The following SRRM2 variants were observed in gnomAD, a reference collection of about 807,000 sequenced individuals.
SRRM2 encodes the protein serine/arginine repetitive matrix 2.
Under a neutral mutation model 213.8 loss-of-function variants are expected in SRRM2, and 30 were observed. The observed-to-expected ratio is 0.14, with a 90% CI of 0.10 to 0.19. SRRM2 has a LOEUF of 0.19. Among genes scored for constraint, SRRM2 ranks in the 10% least tolerant of loss-of-function variants. SRRM2 has a pLI of 1.00. For synonymous variants in SRRM2, 2,025 were observed against 1,377.7 expected (o/e 1.47, Z -10.40); for missense variants, 4,904 against 3,647.0 (o/e 1.34, Z -8.88).
intron 6 of SRRM2, 35 bp from the exon 7 acceptor site, chr16:2,759,105 G>A (rs368438407): frequency 2.4e-5 from 39 of 1,614,008 alleles, no homozygotes; most frequent in Middle Eastern, 1.6e-4. Flanking sequence ...AGGCAGAGGT[G>A]TTTCTTATGT....
rs748176465 is a variant in SRRM2 at position 2,756,387 on chromosome 16, C to T, written c.23C>T (p.Pro8Leu). MYNGIGL[P>L]TPRGSGTNGY... ...GCCATGTACAACGGGATCGGGCTGC[C>T]GACGCCCCGGGGCAGCGGCACCAAC... Residue 8 changes from proline to leucine, a missense_variant, in exon 2 of 15, where the codon CCG becomes CTG. Coordinates refer to ENST00000301740, the MANE Select transcript of SRRM2 (RefSeq NM_016333.4). 20 of 1,607,132 alleles carry T rather than the reference C, an allele frequency of 1.2e-5. No homozygotes were observed. Among genetic ancestry groups the T allele is most frequent in the South Asian group, 8.8e-5 (8 of 90,678 alleles).
At chr16:2,754,535 C>G (rs1337858102) in intron 1 of SRRM2, among the ~76,000 whole-genome samples, 1 of 152,170 alleles carries the variant, frequency 6.6e-6, no homozygotes, top group Non-Finnish European at 1.5e-5. Flanking sequence ...GGTGATCCGC[C>G]CACCTCGGCC....
At position 2,767,464 on chromosome 16, in the gene SRRM2, A is replaced by C. The variant is rs2068583032; in HGVS notation, c.6936A>C (p.Thr2312=). 1.2e-6 allele frequency: 2 copies of C among 1,614,200 alleles called. No individual in the cohort carries two copies. The highest frequency in any genetic ancestry group is 4.5e-5 in the East Asian group (2 of 44,882). Residue 2312 remains threonine (T), a synonymous_variant, in exon 11 of 15, where the codon ACA becomes ACC. Transcript: ENST00000301740. ...CTGCCTTGGCAGCTCTGAGTCTCAC[A>C]GGCTCTGGCACACCACCAACTGCTG... ...TPAALAALSL[T]GSGTPPTAAN...
At position 2,766,737 on chromosome 16, in the gene SRRM2, G is replaced by T; in HGVS notation, c.6209G>T (p.Arg2070Ile). The change falls in exon 11 of 15, where the codon AGA (arginine) becomes ATA (isoleucine). Residue 2070 changes from arginine (R) to isoleucine (I), a missense_variant. By Grantham distance (97) the Arg-to-Ile change is moderately conservative. Coordinates refer to ENST00000301740, the MANE Select transcript of SRRM2 (RefSeq NM_016333.4). This position sits in a 1 kb window ranked among gnomAD's most constrained non-coding sequence, Gnocchi z 7.0. ...RTARGKRSLT[R>I]SPPAIRRRSA... ...GCTCGGGGTAAACGGTCCTTAACAA[G>T]ATCTCCTCCAGCCATCCGCAGGCGT... The T allele has an allele frequency of 6.2e-7, 1 of 1,614,170 alleles. No individual in the cohort carries two copies. Among genetic ancestry groups the T allele is most frequent in the Non-Finnish European group, 8.5e-7 (1 of 1,180,030 alleles).
Position 2,760,436 on chromosome 16 carries a change from C to A in SRRM2, c.969C>A (p.Ser323Arg). 3.1e-6 allele frequency: 5 copies of A among 1,614,144 alleles called. No individual in the cohort carries two copies. Among genetic ancestry groups the A allele is most frequent in the Non-Finnish European group, 3.4e-6 (4 of 1,180,042 alleles). The change falls in exon 10 of 15, where the codon AGC becomes AGA. Residue 323 changes from serine (S) to arginine (R), a missense_variant. By Grantham distance (110) the Ser-to-Arg change is moderately radical. Coordinates refer to ENST00000301740, the MANE Select transcript of SRRM2 (RefSeq NM_016333.4). ...PGTTSTQRPS[S>R]PETATKQPSS... ...CTACCAGCACACAACGGCCTAGTAGCCCGGAGACTGCTACGAAACAGCCTA... is the reference window on the plus strand; with the variant it reads ...CTACCAGCACACAACGGCCTAGTAGACCGGAGACTGCTACGAAACAGCCTA...
Position 2,765,250 on chromosome 16 carries a change from G to T in SRRM2, c.4722G>T (p.Arg1574=). The T allele has an allele frequency of 6.2e-7, 1 of 1,614,050 alleles. No homozygotes were observed. The highest frequency in any genetic ancestry group is 8.5e-7 in the Non-Finnish European group (1 of 1,179,950). The change falls in exon 11 of 15, where the codon CGG becomes CGT. Residue 1574 remains arginine, a synonymous_variant. Transcript: ENST00000301740. ...DSKAKTRTPL[R]QRSRSGSSPE... is the part of the protein sequence containing the mutation. ...AAGCCAAGACAAGAACCCCACTTCGGCAGAGGAGTCGGTCTGGATCATCTC... is the reference window on the plus strand; with the variant it reads ...AAGCCAAGACAAGAACCCCACTTCGTCAGAGGAGTCGGTCTGGATCATCTC...
rs536153993 is a variant in SRRM2 at position 2,759,275 on chromosome 16, C to A, written c.690-77C>A. ...CCTTGATCTTCCTTGTGTCAACACT[C>A]CCTCTTTCCATTTCACTTTTGGTTT... is the stretch of plus-strand genomic sequence containing the variant. On this transcript the variant is annotated intron_variant, in intron 7 of 14. Coordinates refer to ENST00000301740, the MANE Select transcript of SRRM2 (RefSeq NM_016333.4). The A allele has an allele frequency of 1.1e-5, 17 of 1,605,700 alleles. No homozygotes were observed. In the Admixed American group the frequency reaches 2.6e-4, roughly 24 times the overall value.
At chr16:2,769,940 C>T (rs561259303) in intron 12 of SRRM2, 6 of 441,518 alleles carry the variant, frequency 1.4e-5, no homozygotes, top group African/African-American at 4.0e-5. Context: ...TTTCCTTGTC[C>T]GCCTGGTGAA....
intron 10 of SRRM2, chr16:2,760,801 A>G (rs2068317351): frequency 3.6e-6 from 1 of 279,364 alleles, no homozygotes; most frequent in Non-Finnish European, 6.9e-6. Context: ...TGATGCCTCT[A>G]GTTTCTTCTC....
rs149175039 is a variant in SRRM2, at chr16:2,766,519, C to T, written c.5991C>T (p.Arg1997=). The part of the protein sequence containing the change: ...SPVTRRRSRS[R]TSPVTRRRSR... ...TCACCCGAAGGAGATCTCGATCTCG[C>T]ACATCTCCAGTAACTCGAAGAAGGT... The change falls in exon 11 of 15, where the codon CGC becomes CGT. Residue 1997 remains arginine (R), a synonymous_variant. Coordinates refer to ENST00000301740, the MANE Select transcript of SRRM2 (RefSeq NM_016333.4). The surrounding 1 kb of genome is among the most constrained non-coding windows in gnomAD (Gnocchi z 7.0). The T allele has an allele frequency of 3.7e-6, 6 of 1,614,142 alleles. No homozygotes were observed. The highest frequency in any genetic ancestry group is 3.3e-5 in the South Asian group (3 of 91,076).
Position 2,752,699 on chromosome 16 carries a change from C to A in SRRM2, c.-179C>A, listed in dbSNP as rs534843833. 3.0e-6 allele frequency: 1 copy of A among 337,984 alleles called. No homozygotes were observed. Among genetic ancestry groups the A allele is most frequent in the South Asian group, 2.0e-5 (1 of 50,576 alleles). 20.9% of individuals were successfully genotyped at this position (337,984 alleles called of 1,614,324 possible). On this transcript the variant is annotated 5_prime_UTR_variant, in exon 1 of 15. Transcript: ENST00000301740. ...TGGCGCAGTTGGAGCCCGTTGCGGC[C>A]CCTGAGGAAGCGAGGAGGCGTCGGC...
chr16:2,757,376 A>G, intron 2 of SRRM2, 96 bp from the exon 3 acceptor site: 1 of 1,039,606 alleles, frequency 9.6e-7, no homozygotes, highest in Non-Finnish European at 1.5e-6. Context: ...GTGCGCATGG[A>G]GAGGGAGGGG....
Position 2,764,335 on chromosome 16 carries a change from A to G in SRRM2, c.3807A>G (p.Glu1269=). 2 of 1,614,210 alleles carry G rather than the reference A, an allele frequency of 1.2e-6. No individual in the cohort carries two copies. Among genetic ancestry groups the G allele is most frequent in the Non-Finnish European group, 1.7e-6 (2 of 1,180,052 alleles). The change falls in exon 11 of 15, where the codon GAA becomes GAG. Residue 1269 remains glutamate, a synonymous_variant. Coordinates refer to ENST00000301740, the MANE Select transcript of SRRM2 (RefSeq NM_016333.4). ...AAGAAATGTCCACAAGTAACTTTGA[A>G]TCATCTCCTGAAGTAGAAGAAAGGC... The part of the protein sequence containing the change: ...ELKEMSTSNF[E]SSPEVEERPA...
rs762372746 is a variant in SRRM2 at position 2,767,016 on chromosome 16, G to C, written c.6488G>C (p.Arg2163Pro). The C allele has an allele frequency of 6.2e-7, 1 of 1,614,066 alleles. No homozygotes were observed. The highest frequency in any genetic ancestry group is 8.5e-7 in the Non-Finnish European group (1 of 1,180,022). The change falls in exon 11 of 15, where the codon CGA becomes CCA. Residue 2163 changes from arginine to proline, a missense_variant. Coordinates refer to ENST00000301740, the MANE Select transcript of SRRM2 (RefSeq NM_016333.4). ...TCCATGATGGATGGTCCAGGTCCCC[G>C]AATACCTGACCACCAGAGAACATCT... ...GGSMMDGPGP[R>P]IPDHQRTSVP...
Position 2,760,457 on chromosome 16 carries a change from G to A in SRRM2, c.990G>A (p.Gln330=). The part of the protein sequence containing the change: ...RPSSPETATK[Q]PSSPYEDKDK... ...GTAGCCCGGAGACTGCTACGAAACA[G>A]CCTAGCAGCCCTTATGAAGACAAAG... The change falls in exon 10 of 15, where the codon CAG becomes CAA. Residue 330 remains glutamine (Q), a synonymous_variant. Transcript: ENST00000301740. 1 of 1,614,178 alleles carries A rather than the reference G, an allele frequency of 6.2e-7. No individual in the cohort carries two copies. Among genetic ancestry groups the A allele is most frequent in the Non-Finnish European group, 8.5e-7 (1 of 1,180,036 alleles).
At chr16:2,760,105 G>T in intron 9 of SRRM2, 196 bp from the exon 10 acceptor site, 2 of 626,638 alleles carry the variant, frequency 3.2e-6, no homozygotes, top group South Asian at 1.9e-5. Context: ...AACGCTCTTT[G>T]GGATTGTGTT....
intron 4 of SRRM2, 28 bp downstream of exon 4, chr16:2,757,973 G>T (rs935828210): frequency 1.3e-6 from 2 of 1,589,690 alleles, no homozygotes; most frequent in Non-Finnish European, 1.7e-6. Context: ...ACCACTGTCA[G>T]CTTCTTTTCT....
rs112897732 is a variant in SRRM2, at chr16:2,768,839, A to G, written c.7734-158A>G. On this transcript the variant is annotated intron_variant, in intron 11 of 14. Transcript: ENST00000301740. ...GTTAGCAGAGGTTGGGTCAGCTCGC[A>G]CCACTGCTCTCCAGAGAATTGCTGG... The G allele has an allele frequency of 6.0e-4, 878 of 1,471,872 alleles. 3 individuals carry two copies. The African/African-American group carries it at 7.7e-3, about 13-fold the overall frequency. 91.2% of individuals were successfully genotyped at this position (1,471,872 alleles called of 1,614,324 possible). A position where few individuals can be genotyped will look rare whatever the true frequency, so the allele number is the denominator to read the frequency against.
rs1312293780 is a variant in SRRM2 at position 2,760,454 on chromosome 16, A to G, written c.987A>G (p.Lys329=). The G allele has an allele frequency of 1.9e-6, 3 of 1,614,226 alleles. No homozygotes were observed. The highest frequency in any genetic ancestry group is 1.1e-5 in the South Asian group (1 of 91,084). ...CTAGTAGCCCGGAGACTGCTACGAA[A>G]CAGCCTAGCAGCCCTTATGAAGACA... ...QRPSSPETAT[K]QPSSPYEDKD... Residue 329 remains lysine, a synonymous_variant, in exon 10 of 15, where the codon AAA becomes AAG. Transcript: ENST00000301740.
Sources: gnomAD v4.1 joint callset for allele counts (sites outside exome capture counted in the v4.1 genomes callset) on GRCh38, gnomAD v4.1.1 for gene constraint, Gnocchi (gnomAD v3.1) non-coding constraint, MANE v1.5 for transcripts, NCBI Gene and HGNC (gene_info 2026-07-23, HGNC 2026-07-21) for gene names.